PLXNB2: variants seen among roughly 807,000 people sequenced by gnomAD.
The protein encoded by PLXNB2 is plexin-B2.
PLXNB2 carries 85 observed loss-of-function variants against 202.6 expected under a neutral mutation model. That is an observed-to-expected ratio of 0.42 (90% CI 0.35 to 0.50). The LOEUF (loss-of-function observed/expected upper bound fraction) is 0.50. PLXNB2 is among the 20% of genes least tolerant of loss of function. The probability of loss-of-function intolerance (pLI) is 0.02; values close to 1 mark genes in which losing one functional copy is unlikely to be tolerated. For synonymous variants in PLXNB2, 1,239 were observed against 1,137.6 expected, an observed-to-expected ratio of 1.09 and a Z score of -1.79; for missense variants, 2,063 against 2,586.2, an observed-to-expected ratio of 0.80 and a Z score of 4.39.
At chr22:50,292,684 G>A (rs765437333) in intron 2 of PLXNB2, among the ~76,000 whole-genome samples, 7 of 151,948 alleles carry the variant, frequency 4.6e-5, no homozygotes, top group African/African-American at 1.4e-4. Flanking sequence ...CCCGAGCCTC[G>A]GCTTTGGGTG....
chr22:50,281,179 G>C lies in PLXNB2; in HGVS notation c.3673C>G (p.Gln1225Glu). ...TTCTCATACTCTCGTTCGGCCTGCTGGCTCTTCCTCCTGCAAGGCACAGCG... is the reference window on the plus strand; with the variant it reads ...TTCTCATACTCTCGTTCGGCCTGCTCGCTCTTCCTCCTGCAAGGCACAGCG... ...VSVYCYWRKS[Q>E]QAEREYEKIK... The change falls in exon 23 of 37, where the codon CAG (glutamine) becomes GAG (glutamate). Residue 1225 changes from glutamine to glutamate, a missense_variant. By Grantham distance (29) the Gln-to-Glu change is conservative. Around this residue, in one of 2 missense-constraint regions of PLXNB2, gnomAD observed 760 missense variants for 1,109.4 expected, o/e 0.69. Transcript: ENST00000359337. 6.2e-7 allele frequency: 1 copy of C among 1,612,510 alleles called. No homozygotes were observed.
chr22:50,307,261 G>A (rs1413784078), intron 1 of PLXNB2, among the ~76,000 whole-genome samples: 1 of 152,066 alleles, frequency 6.6e-6, no homozygotes, highest in Non-Finnish European at 1.5e-5. Context: ...GCTGAAGAGT[G>A]AGAGGCAGGC....
At chr22:50,282,652 G>A in intron 18 of PLXNB2, 59 bp downstream of exon 18, 4 of 1,256,760 alleles carry the variant, frequency 3.2e-6, no homozygotes, top group Non-Finnish European at 4.5e-6. Flanking sequence ...TCAGCCAAGG[G>A]CACTGAGGAG....
rs2067597517 is a variant in PLXNB2, at chr22:50,300,248, A to G, written c.-73-5470T>C. 3 of 984,130 alleles carry G rather than the reference A, an allele frequency of 3.0e-6. No individual in the cohort carries two copies. In the African/African-American group the frequency reaches 5.2e-5, roughly 17 times the overall value. The allele number at this position is 984,130 out of a possible 1,614,324, so 61.0% of individuals were successfully genotyped here. On this transcript the variant is annotated intron_variant, in intron 1 of 36. Coordinates refer to ENST00000359337, the MANE Select transcript of PLXNB2 (RefSeq NM_012401.4). The stretch of plus-strand genomic sequence containing the variant: ...GCGGCGGCGACAGTCACACGAGCGC[A>G]GGAGACGTCGTCCCCGCGGGGCGCT...
chr22:50,291,663 T>C lies in PLXNB2; in HGVS notation c.-13-1066A>G, dbSNP rs2066877793. On this transcript the variant is annotated intron_variant, in intron 2 of 36. Coordinates refer to ENST00000359337, the MANE Select transcript of PLXNB2 (RefSeq NM_012401.4). The surrounding 1 kb of genome is among the most constrained non-coding windows in gnomAD (Gnocchi z 4.3). Reference sequence around the variant, plus strand: ...ACAGGGCCCTTCTGCCTCTGAGCTCTTCCTCAGGGTGGTCCGTCCCTCTCA... The same window carrying C: ...ACAGGGCCCTTCTGCCTCTGAGCTCCTCCTCAGGGTGGTCCGTCCCTCTCA... 6.6e-6 allele frequency among the ~76,000 whole-genome samples: 1 copy of C among 152,078 alleles called. No individual in the cohort carries two copies. Among genetic ancestry groups the C allele is most frequent in the South Asian group, 2.1e-4 (1 of 4,828 alleles).
At chr22:50,302,140 G>A (rs1178167022) in intron 1 of PLXNB2, among the ~76,000 whole-genome samples, 1 of 152,238 alleles carries the variant, frequency 6.6e-6, no homozygotes, top group Non-Finnish European at 1.5e-5. Context: ...GGCCGTCTCA[G>A]CAGGGGAGAG....
chr22:50,279,071 G>A, intron 27 of PLXNB2, 60 bp from the exon 28 acceptor site: 2 of 1,504,498 alleles, frequency 1.3e-6, no homozygotes, highest in Non-Finnish European at 8.9e-7. Context: ...GCACCATGCA[G>A]GAGCCACTCC....
Position 50,285,847 on chromosome 22 carries a change from G to A in PLXNB2, c.2041C>T (p.His681Tyr). ...CCCTGGAAGTTCACATCTGTCTCGT[G>A]GTTCATGGGGATCACCAGGGGGCTG... The part of the protein sequence containing the change: ...GPSPLVIPMN[H>Y]ETDVNFQGKN... Residue 681 changes from histidine (H) to tyrosine (Y), a missense_variant, in exon 11 of 37, where the codon CAC becomes TAC. This residue lies in a region of PLXNB2 where 1,303 missense variants were observed against 1,476.8 expected (regional missense o/e 0.88). Coordinates refer to ENST00000359337, the MANE Select transcript of PLXNB2 (RefSeq NM_012401.4). 1 of 1,613,022 alleles carries A rather than the reference G, an allele frequency of 6.2e-7. No homozygotes were observed. Among genetic ancestry groups the A allele is most frequent in the Admixed American group, 1.7e-5 (1 of 60,004 alleles).
chr22:50,304,550 G>A (rs1386781347), intron 1 of PLXNB2, among the ~76,000 whole-genome samples: 1 of 152,122 alleles, frequency 6.6e-6, no homozygotes, highest in Non-Finnish European at 1.5e-5. Context: ...CAGGCCCTGT[G>A]TCAAGGGATG....
intron 1 of PLXNB2, among the ~76,000 whole-genome samples, chr22:50,303,123 C>G (rs1029683983): frequency 1.3e-5 from 2 of 151,548 alleles, no homozygotes; most frequent in Non-Finnish European, 2.9e-5. Flanking sequence ...CCAGGAGAGA[C>G]CCCCCCACAC....
intron 1 of PLXNB2, among the ~76,000 whole-genome samples, chr22:50,296,364 A>G (rs2067270448): frequency 6.6e-6 from 1 of 152,052 alleles, no homozygotes; most frequent in Admixed American, 6.6e-5. Flanking sequence ...GTGAACTATG[A>G]TTGTGGGCAA....
At chr22:50,279,887 A>G (rs1445024059) in intron 26 of PLXNB2, 111 bp from the exon 27 acceptor site, 6 of 1,448,948 alleles carry the variant, frequency 4.1e-6, no homozygotes, top group Admixed American at 1.8e-5. Flanking sequence ...AGGGGCAGGA[A>G]GCAAACCTGT....
rs556098442 is a variant in PLXNB2 at position 50,283,700 on chromosome 22, C to A, written c.2472G>T (p.Leu824=). 30 of 1,613,188 alleles carry A rather than the reference C, an allele frequency of 1.9e-5. No homozygotes were observed. In the East Asian group the frequency reaches 5.1e-4, roughly 28 times the overall value. The change falls in exon 15 of 37, where the codon CTG becomes CTT. Residue 824 remains leucine, a synonymous_variant. Transcript: ENST00000359337. ...PLGGGIRITI[L]GSNLGVQAGD... ...CTGCTTGGACGCCCAAATTGGACCC[C>A]AGGATGGTGATGCGGATGCCCCCAC... is the stretch of plus-strand genomic sequence containing the variant.
At chr22:50,301,082 T>G (rs942994145) in intron 1 of PLXNB2, among the ~76,000 whole-genome samples, 1 of 152,180 alleles carries the variant, frequency 6.6e-6, no homozygotes, top group Non-Finnish European at 1.5e-5. Context: ...CACACAGTTG[T>G]GAGGCCCTCC....
intron 1 of PLXNB2, among the ~76,000 whole-genome samples, chr22:50,301,846 C>T (rs983575932): frequency 6.6e-6 from 1 of 152,250 alleles, no homozygotes; most frequent in Non-Finnish European, 1.5e-5. Context: ...ACCGCTGAAC[C>T]CCACAATTAG....
At chr22:50,301,642 G>A (rs1437834816) in intron 1 of PLXNB2, among the ~76,000 whole-genome samples, 3 of 152,054 alleles carry the variant, frequency 2.0e-5, no homozygotes, top group Non-Finnish European at 2.9e-5. Context: ...GCAGCCGGCT[G>A]CTCAGAGACC....
In PLXNB2 at chr22:50,288,787, G is replaced by A; in HGVS notation, c.1336C>T (p.Leu446=). ...TACAGGCTGCCCAGGTCTCCAGACA[G>A]TACCAGGTCGCGCTTGACTCTCTTG... is the stretch of plus-strand genomic sequence containing the variant. ...INKRVKRDLV[L]SGDLGSLYAM... is the part of the protein sequence containing the mutation. Residue 446 remains leucine (L), a synonymous_variant, in exon 5 of 37, where the codon CTG becomes TTG. Coordinates refer to ENST00000359337, the MANE Select transcript of PLXNB2 (RefSeq NM_012401.4). This position sits in a 1 kb window ranked among gnomAD's most constrained non-coding sequence, Gnocchi z 5.0. 6.2e-7 allele frequency: 1 copy of A among 1,613,154 alleles called. No homozygotes were observed. The highest frequency in any genetic ancestry group is 8.5e-7 in the Non-Finnish European group (1 of 1,179,968).
intron 2 of PLXNB2, among the ~76,000 whole-genome samples, chr22:50,292,383 GCCAC>G (rs2066938690): frequency 6.9e-6 from 1 of 143,932 alleles, no homozygotes; most frequent in Non-Finnish European, 1.5e-5. Flanking sequence ...CAAAGAACAA[GCCAC>G]AAAATGCAAA....
chr22:50,287,842 C>T (rs371849010), intron 6 of PLXNB2, 49 bp from the exon 7 acceptor site: 7 of 1,593,656 alleles, frequency 4.4e-6, no homozygotes, highest in East Asian at 2.2e-5. Context: ...CTTGTTCTCC[C>T]GGGACAGGAC....
Sources: allele counts gnomAD v4.1 joint callset (sites outside exome capture counted in the v4.1 genomes callset), GRCh38; gene constraint gnomAD v4.1.1; regional missense constraint gnomAD v4.1.1; non-coding constraint Gnocchi (gnomAD v3.1); transcripts MANE v1.5; gene names NCBI Gene and HGNC (gene_info 2026-07-23, HGNC 2026-07-21).